The following CLEC3A variants were observed in gnomAD, a reference collection of about 807,000 sequenced individuals.
CLEC3A encodes the protein C-type (calcium dependent, carbohydrate-recognition domain) lectin, superfamily member 1 (cartilage-derived).
CLEC3A carries 28 observed loss-of-function variants against 20.4 expected under a neutral mutation model. That is an observed-to-expected ratio of 1.37 (90% confidence interval 1.02 to 1.88). The LOEUF (loss-of-function observed/expected upper bound fraction) is 1.88, where lower values mean the gene tolerates loss of function less well. Ranked by LOEUF, CLEC3A falls within the 40% of genes most tolerant of loss-of-function variation. The pLI, the probability that CLEC3A is intolerant of heterozygous loss-of-function variation, is 0.00. For missense variants in CLEC3A, 357 were observed against 240.4 expected (o/e 1.48, Z -3.21); for synonymous variants, 110 against 88.1 (o/e 1.25, Z -1.39).
intron 2 of CLEC3A, 65 bp from the exon 3 acceptor site, chr16:78,030,382 G>C (rs978268257): frequency 1.4e-6 from 2 of 1,403,780 alleles, no homozygotes; most frequent in Non-Finnish European, 1.9e-6. Context: ...CTATTTGCCA[G>C]GTCCAGCCCT....
rs773023482 is a variant in CLEC3A at position 78,030,460 on chromosome 16, C to G, written c.213C>G (p.Gly71=). The change falls in exon 3 of 3, where the codon GGC becomes GGG. Residue 71 remains glycine, a synonymous_variant. Transcript: ENST00000299642. The stretch of plus-strand genomic sequence containing the variant: ...ACATCTTCACAGTCTGTCTCCGAGG[C>G]ACTAAAGTTCACAAGAAATGCTACC... The part of the protein sequence containing the change: ...IQALQTVCLR[G]TKVHKKCYLA... The G allele has an allele frequency of 1.4e-5, 23 of 1,606,060 alleles. No individual in the cohort carries two copies. In the Admixed American group the frequency reaches 1.7e-4, roughly 12 times the overall value.
At chr16:78,029,235 C>G (rs1312055140) in intron 2 of CLEC3A, 1 of 421,468 alleles carries the variant, frequency 2.4e-6, no homozygotes, top group Admixed American at 2.7e-5. Context: ...AGGCCTGACT[C>G]TCCAGTGCTA....
chr16:78,026,173 T>G (rs2029912319), intron 1 of CLEC3A, among the ~76,000 whole-genome samples: 1 of 152,138 alleles, frequency 6.6e-6, no homozygotes, highest in Non-Finnish European at 1.5e-5. Context: ...ATGTGTAGCA[T>G]TAAGTAAAAC....
rs7188702 is a variant in CLEC3A at position 78,031,776 on chromosome 16, A to C, written c.*935A>C. 1 of 151,824 alleles carries C rather than the reference A, an allele frequency of 6.6e-6. No individual in the cohort carries two copies. The highest frequency in any genetic ancestry group is 2.4e-5 in the African/African-American group (1 of 41,326). 9.4% of individuals were successfully genotyped at this position (151,824 alleles called of 1,614,324 possible). ...GGGCAACCAATCTTTGGAAGCTGAA[A>C]ACTGAATTTAAAGAATGCTATCTTG... On this transcript the variant is annotated 3_prime_UTR_variant, in exon 3 of 3. Coordinates refer to ENST00000299642, the MANE Select transcript of CLEC3A (RefSeq NM_005752.6).
chr16:78,028,969 G>C (rs2030006234), intron 2 of CLEC3A: 1 of 347,748 alleles, frequency 2.9e-6, no homozygotes, highest in Non-Finnish European at 5.6e-6. Context: ...GGCTTCCGGG[G>C]GAACAGAATT....
chr16:78,024,240 T>C (rs139222404), intron 1 of CLEC3A, among the ~76,000 whole-genome samples: 32 of 152,314 alleles, frequency 2.1e-4, no homozygotes, highest in Non-Finnish European at 3.4e-4. Flanking sequence ...TCTTCACTGC[T>C]GGATGGAGTG....
chr16:78,030,609 G>A lies in CLEC3A; in HGVS notation c.362G>A (p.Ser121Asn), dbSNP rs745459911. ...GCCCTCCAAGACTATGGTAAAAGGA[G>A]CCTGCCAGGTGTCAATGACTTTTGG... is the stretch of plus-strand genomic sequence containing the variant. The part of the protein sequence containing the change: ...INALQDYGKR[S>N]LPGVNDFWLG... The change falls in exon 3 of 3, where the codon AGC (serine) becomes AAC (asparagine). Residue 121 changes from serine (S) to asparagine (N), a missense_variant. Ser to Asn is a conservative substitution (Grantham distance 46). Coordinates refer to ENST00000299642, the MANE Select transcript of CLEC3A (RefSeq NM_005752.6). The A allele has an allele frequency of 1.2e-6, 2 of 1,614,148 alleles. No individual in the cohort carries two copies. Among genetic ancestry groups the A allele is most frequent in the East Asian group, 2.2e-5 (1 of 44,866 alleles).
rs1278896970 is a variant in CLEC3A, at chr16:78,022,606, C to T, written c.-21C>T. ...CTCTAAGGGGGCTGGCAACATGGCT[C>T]AGCAGGCTTGCCCCAGAGCCATGGC... is the stretch of plus-strand genomic sequence containing the variant. On this transcript the variant is annotated 5_prime_UTR_variant, in exon 1 of 3. It introduces an in-frame stop codon into an upstream open reading frame of the 5' UTR. Transcript: ENST00000299642. 6.2e-7 allele frequency: 1 copy of T among 1,613,232 alleles called. No individual in the cohort carries two copies. Among genetic ancestry groups the T allele is most frequent in the Non-Finnish European group, 8.5e-7 (1 of 1,179,600 alleles).
rs1383036853 is a variant in CLEC3A, at chr16:78,031,209, C to T, written c.*368C>T. On this transcript the variant is annotated 3_prime_UTR_variant, in exon 3 of 3. Coordinates refer to ENST00000299642, the MANE Select transcript of CLEC3A (RefSeq NM_005752.6). ...AAGCTTAGGCTACCTGAAAGATTTT[C>T]CCTTGGAAGTTTAGCGTATGTTTGA... 1 of 176,408 alleles carries T rather than the reference C, an allele frequency of 5.7e-6. No homozygotes were observed. Among genetic ancestry groups the T allele is most frequent in the Non-Finnish European group, 1.2e-5 (1 of 84,266 alleles). 10.9% of individuals were successfully genotyped at this position (176,408 alleles called of 1,614,324 possible).
rs775951786 is a variant in CLEC3A, at chr16:78,028,229, G to A, written c.199+39G>A. ...CTTCTCAGTGCCTTGTCCCAAAGGA[G>A]ACAGGAAAATTTCTGGGTCAATTTC... On this transcript the variant is annotated intron_variant, in intron 2 of 2. Transcript: ENST00000299642. 1.0e-5 allele frequency: 15 copies of A among 1,447,898 alleles called. No individual in the cohort carries two copies. In the South Asian group the frequency reaches 1.9e-4, roughly 18 times the overall value. The allele number at this position is 1,447,898 out of a possible 1,614,324, so 89.7% of individuals were successfully genotyped here. A position where few individuals can be genotyped will look rare whatever the true frequency, so the allele number is the denominator to read the frequency against.
chr16:78,024,438 C>G (rs371162196), intron 1 of CLEC3A, among the ~76,000 whole-genome samples: 1 of 152,140 alleles, frequency 6.6e-6, no homozygotes, highest in African/African-American at 2.4e-5. Context: ...CCTTCTTTCC[C>G]ACTTCTTTAC....
At position 78,028,199 on chromosome 16, in the gene CLEC3A, C is replaced by A. The variant is rs761482182; in HGVS notation, c.199+9C>A. On this transcript the variant is annotated intron_variant, in intron 2 of 2. Coordinates refer to ENST00000299642, the MANE Select transcript of CLEC3A (RefSeq NM_005752.6). Reference sequence around the variant, plus strand: ...TCAAGCCCTGCAGACAGGTAAGGTGCAGACCTTCTCAGTGCCTTGTCCCAA... The same window carrying A: ...TCAAGCCCTGCAGACAGGTAAGGTGAAGACCTTCTCAGTGCCTTGTCCCAA... The A allele has an allele frequency of 2.3e-5, 36 of 1,573,828 alleles. No homozygotes were observed. In the East Asian group the frequency reaches 7.8e-4, roughly 34 times the overall value.
Position 78,030,996 on chromosome 16 carries a change from A to T in CLEC3A, c.*155A>T. The T allele has an allele frequency of 1.2e-6, 1 of 818,998 alleles. No individual in the cohort carries two copies. The highest frequency in any genetic ancestry group is 1.8e-6 in the Non-Finnish European group (1 of 544,298). 50.7% of individuals were successfully genotyped at this position (818,998 alleles called of 1,614,324 possible). A position where few individuals can be genotyped will look rare whatever the true frequency, so the allele number is the denominator to read the frequency against. ...ATGATAGCATCAGCCAATTTTGCTA[A>T]CACATTTCTTTGGGATTTTGCCCTT... On this transcript the variant is annotated 3_prime_UTR_variant, in exon 3 of 3. Coordinates refer to ENST00000299642, the MANE Select transcript of CLEC3A (RefSeq NM_005752.6).
intron 1 of CLEC3A, among the ~76,000 whole-genome samples, chr16:78,024,466 C>T (rs767616023): frequency 1.3e-5 from 2 of 152,034 alleles, no homozygotes; most frequent in Admixed American, 1.3e-4. Context: ...TTCCCCACTG[C>T]CTCTGTCATA....
At chr16:78,025,538 CT>C (rs2029890981) in intron 1 of CLEC3A, among the ~76,000 whole-genome samples, 1 of 152,216 alleles carries the variant, frequency 6.6e-6, no homozygotes, top group East Asian at 1.9e-4. Context: ...AATGGTTTTA[CT>C]GGCCATGTCT....
rs753496661 is a variant in CLEC3A, at chr16:78,030,738, G to A, written c.491G>A (p.Arg164Gln). 21 of 1,614,126 alleles carry A rather than the reference G, an allele frequency of 1.3e-5. No individual in the cohort carries two copies. Among genetic ancestry groups the A allele is most frequent in the Admixed American group, 5.0e-5 (3 of 60,014 alleles). ...CGTGCACAGCCTAACGGTGGCAAGC[G>A]AGAAAACTGTGTCCTGTTCTCCCAA... ...WDRAQPNGGK[R>Q]ENCVLFSQSA... is the part of the protein sequence containing the mutation. Residue 164 changes from arginine to glutamine, a missense_variant, in exon 3 of 3, where the codon CGA becomes CAA. Physicochemically the swap from Arg to Gln is conservative, Grantham distance 43. Coordinates refer to ENST00000299642, the MANE Select transcript of CLEC3A (RefSeq NM_005752.6).
At position 78,030,542 on chromosome 16, in the gene CLEC3A, G is replaced by A. The variant is rs1272240902; in HGVS notation, c.295G>A (p.Gly99Arg). The A allele has an allele frequency of 1.2e-6, 2 of 1,614,142 alleles. No homozygotes were observed. The highest frequency in any genetic ancestry group is 1.1e-5 in the South Asian group (1 of 91,074). The change falls in exon 3 of 3, where the codon GGA (glycine) becomes AGA (arginine). Residue 99 changes from glycine (G) to arginine (R), a missense_variant. Physicochemically the swap from Gly to Arg is moderately radical, Grantham distance 125 (BLOSUM62 -2). Transcript: ENST00000299642. Reference sequence around the variant, plus strand: ...GGCCAATGAAGACTGCATTTCCAAAGGAGGAATCCTGGTTATCCCCAGGAA... The same window carrying A: ...GGCCAATGAAGACTGCATTTCCAAAAGAGGAATCCTGGTTATCCCCAGGAA... ...HEANEDCISK[G>R]GILVIPRNSD...
rs1372923026 is a variant in CLEC3A at position 78,031,096 on chromosome 16, T to C, written c.*255T>C. The C allele has an allele frequency of 2.7e-6, 1 of 367,058 alleles. No individual in the cohort carries two copies. The highest frequency in any genetic ancestry group is 2.1e-5 in the African/African-American group (1 of 47,566). 22.7% of individuals were successfully genotyped at this position (367,058 alleles called of 1,614,324 possible). A position where few individuals can be genotyped will look rare whatever the true frequency, so the allele number is the denominator to read the frequency against. On this transcript the variant is annotated 3_prime_UTR_variant, in exon 3 of 3. Coordinates refer to ENST00000299642, the MANE Select transcript of CLEC3A (RefSeq NM_005752.6). ...ATGGCTTCTGCTAAACAGACTAAAA[T>C]CTTTCTCTCTAGTCTTTCTCACTTG... is the stretch of plus-strand genomic sequence containing the variant.
rs183502763 is a variant in CLEC3A at position 78,028,062 on chromosome 16, C to G, written c.116-45C>G. 3 of 1,278,128 alleles carry G rather than the reference C, an allele frequency of 2.3e-6. No homozygotes were observed. The Admixed American group carries it at 5.5e-5, about 23-fold the overall frequency. 79.2% of individuals were successfully genotyped at this position (1,278,128 alleles called of 1,614,324 possible). On this transcript the variant is annotated intron_variant, in intron 1 of 2. Transcript: ENST00000299642. ...AAAGCTTGATTTTATTTTAATCATA[C>G]GCTTTTCATCCACCTACCCCATCCC...
Sources: allele counts gnomAD v4.1 joint callset (sites outside exome capture counted in the v4.1 genomes callset), GRCh38; gene constraint gnomAD v4.1.1; transcripts MANE v1.5; gene names NCBI Gene and HGNC (gene_info 2026-07-23, HGNC 2026-07-21).